Variants in CS observed in about 807,000 individuals in gnomAD.
CS encodes citrate synthase.
Under a neutral mutation model 61.4 loss-of-function variants are expected in CS, and 13 were observed. The ratio of observed to expected loss-of-function variants is 0.21; its 90% confidence interval spans 0.14 to 0.34. CS has a LOEUF of 0.34. Among genes scored for constraint, CS ranks in the 10% least tolerant of loss-of-function variants. The probability of loss-of-function intolerance (pLI) is 1.00; values close to 1 mark genes in which losing one functional copy is unlikely to be tolerated. For synonymous variants in CS, 159 were observed against 215.2 expected, an observed-to-expected ratio of 0.74 and a Z score of 2.29; for missense variants, 278 against 573.4, an observed-to-expected ratio of 0.48 and a Z score of 5.26.
intron 6 of CS, among the ~76,000 whole-genome samples, chr12:56,278,331 T>C (rs1246805510): frequency 6.6e-6 from 1 of 152,156 alleles, no homozygotes. Context: ...TTTCACCATA[T>C]TGGCCAGGCC....
chr12:56,294,213 C>T (rs1873223298), intron 1 of CS, among the ~76,000 whole-genome samples: 1 of 152,066 alleles, frequency 6.6e-6, no homozygotes, highest in Non-Finnish European at 1.5e-5. Flanking sequence ...GTGGCTCATG[C>T]CTGTAATCCC....
intron 1 of CS, among the ~76,000 whole-genome samples, chr12:56,287,477 GTCAAAAAAAAAAA>G (rs1872973925): frequency 2.1e-5 from 1 of 46,960 alleles, no homozygotes; most frequent in African/African-American, 9.5e-5. Flanking sequence ...GCAAGACTCT[GTCAAAAAAAAAAA>G]AAAAAAAAAA....
chr12:56,295,805 T>C (rs1011558873), intron 1 of CS, among the ~76,000 whole-genome samples: 9 of 150,600 alleles, frequency 6.0e-5, no homozygotes, highest in African/African-American at 2.2e-4. Flanking sequence ...ATACAAAAAA[T>C]TAGCGGGGCG....
rs1394900217 is a variant in CS at position 56,272,928 on chromosome 12, CT to C, written c.*155del. 1.6e-6 allele frequency: 1 copy of C among 620,022 alleles called. No individual in the cohort carries two copies. Among genetic ancestry groups the C allele is most frequent in the Non-Finnish European group, 2.8e-6 (1 of 356,330 alleles). 38.4% of individuals were successfully genotyped at this position (620,022 alleles called of 1,614,324 possible). On this transcript the variant is annotated 3_prime_UTR_variant, in exon 11 of 11. Coordinates refer to ENST00000351328, the MANE Select transcript of CS (RefSeq NM_004077.3). ...TAGGGAAGAAGGGACCATTTTTCATCTTTTAAAGTCTTAATTTATATTTTAA... is the reference window on the plus strand; with the variant it reads ...TAGGGAAGAAGGGACCATTTTTCATCTTTAAAGTCTTAATTTATATTTTAA...
chr12:56,276,362 A>G (rs1872623760), intron 6 of CS, among the ~76,000 whole-genome samples, 167 bp from the exon 7 acceptor site: 2 of 152,248 alleles, frequency 1.3e-5, no homozygotes, highest in South Asian at 4.1e-4. Context: ...AATAACAATC[A>G]TAACCATTTC....
chr12:56,280,242 T>C (rs1027303912), intron 6 of CS, among the ~76,000 whole-genome samples: 1 of 151,688 alleles, frequency 6.6e-6, no homozygotes, highest in African/African-American at 2.4e-5. Flanking sequence ...AGTGAAACCC[T>C]GTCTCTACTA....
chr12:56,296,530 C>T (rs1373964115), intron 1 of CS, among the ~76,000 whole-genome samples: 1 of 152,184 alleles, frequency 6.6e-6, no homozygotes, highest in Non-Finnish European at 1.5e-5. Context: ...TAAGAAAGAT[C>T]TATTGCTACA....
intron 3 of CS, among the ~76,000 whole-genome samples, chr12:56,284,273 C>A (rs1296658451): frequency 1.5e-5 from 2 of 133,844 alleles, no homozygotes; most frequent in East Asian, 4.7e-4. Flanking sequence ...GAGCCAAGAT[C>A]ACACCATTGC....
chr12:56,292,730 C>CAAAAAAAAAAAAAAAAAAAAAA (rs531365770), intron 1 of CS, among the ~76,000 whole-genome samples: 1 of 56,880 alleles, frequency 1.8e-5, no homozygotes. Flanking sequence ...TAAAAAAATA[C>CAAAAAAAAAAAAAAAAAAAAAA]AAAAAAAAAA....
At chr12:56,291,353 CTT>C (rs879317710) in intron 1 of CS, 331 of 685,504 alleles carry the variant, frequency 4.8e-4, no homozygotes, top group South Asian at 7.0e-4. Flanking sequence ...TTCTTTCTTT[CTT>C]TTTTTTTTTT....
chr12:56,295,214 A>T lies in CS; in HGVS notation c.42+4946T>A, dbSNP rs547516523. Among the ~76,000 whole-genome samples the T allele has an allele frequency of 3.3e-5, 5 of 152,038 alleles. No individual in the cohort carries two copies. In the South Asian group the frequency reaches 1.0e-3, roughly 32 times the overall value. On this transcript the variant is annotated intron_variant, in intron 1 of 10. Coordinates refer to ENST00000351328, the MANE Select transcript of CS (RefSeq NM_004077.3). ...AGTGCTGGAATTATAGACATAAGCC[A>T]TCATGCCTAGCTAATAAATATTTCT...
At chr12:56,298,428 T>C (rs1205207127) in intron 1 of CS, among the ~76,000 whole-genome samples, 1 of 152,170 alleles carries the variant, frequency 6.6e-6, no homozygotes, top group African/African-American at 2.4e-5. Flanking sequence ...GTTCTGAGCT[T>C]CCCTATGGGC....
chr12:56,296,483 GCA>G (rs1233761367), intron 1 of CS, among the ~76,000 whole-genome samples: 3 of 152,094 alleles, frequency 2.0e-5, no homozygotes, highest in South Asian at 2.1e-4. Context: ...TGCAGTTGAA[GCA>G]CAGTTGAAGC....
rs34878067 is a variant in CS, at chr12:56,289,423, A to ATT, written c.43-2780_43-2779dup. On this transcript the variant is annotated intron_variant, in intron 1 of 10. Transcript: ENST00000351328. ...TTGAGGGTGGTTGTTTGCTGTGGTG[A>ATT]TTTTTTTTTAAATTTAATTTAATTA... 2.0e-5 allele frequency among the ~76,000 whole-genome samples: 3 copies of ATT among 150,898 alleles called. No homozygotes were observed. The South Asian group carries it at 6.3e-4, about 32-fold the overall frequency.
intron 1 of CS, among the ~76,000 whole-genome samples, chr12:56,288,447 T>TGCCTC (rs1157222517): frequency 6.6e-6 from 1 of 150,500 alleles, no homozygotes; most frequent in Non-Finnish European, 1.5e-5. Context: ...GTGATTCTCA[T>TGCCTC]GCCTCAGCCT....
intron 1 of CS, chr12:56,291,735 T>C (rs975726428): frequency 6.6e-6 from 1 of 152,212 alleles, no homozygotes; most frequent in Non-Finnish European, 1.5e-5. Flanking sequence ...TAGAGTCACC[T>C]TACTGGAACA....
chr12:56,283,368 C>T (rs905308157), intron 4 of CS, among the ~76,000 whole-genome samples: 10 of 152,236 alleles, frequency 6.6e-5, no homozygotes, highest in Admixed American at 4.6e-4. Flanking sequence ...CTCAGCCTCC[C>T]GAGTAGCTGG....
At position 56,282,916 on chromosome 12, in the gene CS, G is replaced by A. The variant is rs763449854; in HGVS notation, c.343C>T (p.Leu115=). The change falls in exon 5 of 11, where the codon CTG becomes TTG. Residue 115 remains leucine, a synonymous_variant. Coordinates refer to ENST00000351328, the MANE Select transcript of CS (RefSeq NM_004077.3). ...AGCAGCCAAAATAAGCCCTCAGGCAGGGGTTCTTCCCCACCCTTAGCCTTG... is the reference window on the plus strand; with the variant it reads ...AGCAGCCAAAATAAGCCCTCAGGCAAGGGTTCTTCCCCACCCTTAGCCTTG... ...LPKAKGGEEP[L]PEGLFWLLVT... The A allele has an allele frequency of 1.2e-6, 2 of 1,614,196 alleles. No individual in the cohort carries two copies. Among genetic ancestry groups the A allele is most frequent in the African/African-American group, 1.3e-5 (1 of 75,044 alleles).
At position 56,278,906 on chromosome 12, in the gene CS, T is replaced by G. The variant is rs1015499284; in HGVS notation, c.589-2711A>C. Among the ~76,000 whole-genome samples the G allele has an allele frequency of 3.3e-5, 5 of 152,186 alleles. No homozygotes were observed. The South Asian group carries it at 8.3e-4, about 25-fold the overall frequency. Reference sequence around the variant, plus strand: ...CTCCCACCTCGGCCTCCTGAGTAGTTGGGATTACAGGTGTGCACCAGGACG... The same window carrying G: ...CTCCCACCTCGGCCTCCTGAGTAGTGGGGATTACAGGTGTGCACCAGGACG... On this transcript the variant is annotated intron_variant, in intron 6 of 10. Coordinates refer to ENST00000351328, the MANE Select transcript of CS (RefSeq NM_004077.3).
Sources: allele counts gnomAD v4.1 joint callset (sites outside exome capture counted in the v4.1 genomes callset), GRCh38; gene constraint gnomAD v4.1.1; transcripts MANE v1.5; gene names NCBI Gene and HGNC (gene_info 2026-07-23, HGNC 2026-07-21).